CWF19L2: variants seen among roughly 807,000 people sequenced by gnomAD.
The protein encoded by CWF19L2 is CWF19 like cell cycle control factor 2, also known as CWF19-like protein 2.
A neutral mutation model predicts 111.7 loss-of-function variants in CWF19L2; 98 were observed. That is an observed-to-expected ratio of 0.88 (90% confidence interval 0.75 to 1.04). CWF19L2 has a LOEUF of 1.04. Among genes scored for constraint, CWF19L2 ranks in the 50% least tolerant of loss-of-function variants. The pLI, the probability that CWF19L2 is intolerant of heterozygous loss-of-function variation, is 0.00. For missense variants in CWF19L2, 1,101 were observed against 1,051.4 expected (o/e 1.05, Z -0.65); for synonymous variants, 351 against 342.9 (o/e 1.02, Z -0.26).
rs117056378 is a variant in CWF19L2, at chr11:107,441,589, C to T, written c.484G>A (p.Val162Ile). 9.1e-4 allele frequency: 1,399 copies of T among 1,543,794 alleles called. 26 individuals are homozygous for T. In the East Asian group the frequency reaches 0.02, roughly 22 times the overall value. Residue 162 changes from valine to isoleucine, a missense_variant, in exon 5 of 18, where the codon GTT becomes ATT. Transcript: ENST00000282251. Reference protein sequence around the residue: ...DEWMTVDFMSVKTVSSSSLKA... With the variant: ...DEWMTVDFMSIKTVSSSSLKA... Reference sequence around the variant, plus strand: ...AGTGATGATGATGACACAGTTTTAACAGACATAAAATCAACAGTCATCCAC... The same window carrying T: ...AGTGATGATGATGACACAGTTTTAATAGACATAAAATCAACAGTCATCCAC...
At position 107,386,300 on chromosome 11, in the gene CWF19L2, C is replaced by CTGTAAT. The variant is rs1179945420; in HGVS notation, c.1872+3773_1872+3774insATTACA. On this transcript the variant is annotated intron_variant, in intron 12 of 17. Coordinates refer to ENST00000282251, the MANE Select transcript of CWF19L2 (RefSeq NM_152434.3). ...AAGTGCTGGGATTACAGGTGTGAGC[C>CTGTAAT]GCCACTCCTGTTCATTTTTCTACTA... Among the ~76,000 whole-genome samples, 67 of 152,220 alleles carry CTGTAAT rather than the reference C, an allele frequency of 4.4e-4. 1 individual carries two copies. The highest frequency in any genetic ancestry group is 1.6e-3 in the African/African-American group (66 of 41,530).
intron 14 of CWF19L2, among the ~76,000 whole-genome samples, chr11:107,339,718 T>C (rs1181263446): frequency 6.8e-6 from 1 of 147,948 alleles, no homozygotes. Context: ...TAGGCTAGAG[T>C]GCAGTGGTGC....
chr11:107,358,598 T>A (rs1317176958), intron 12 of CWF19L2, among the ~76,000 whole-genome samples: 1 of 152,198 alleles, frequency 6.6e-6, no homozygotes, highest in Non-Finnish European at 1.5e-5. Flanking sequence ...GTCAGTCATT[T>A]AAAAAAACAC....
intron 12 of CWF19L2, among the ~76,000 whole-genome samples, chr11:107,370,142 C>A (rs1202685784): frequency 2.2e-5 from 3 of 137,414 alleles, no homozygotes; most frequent in Non-Finnish European, 4.7e-5. Context: ...TAAAATACAT[C>A]CTACTACAGG....
intron 9 of CWF19L2, among the ~76,000 whole-genome samples, chr11:107,417,731 T>C (rs1425171891): frequency 2.6e-5 from 4 of 150,968 alleles, no homozygotes; most frequent in East Asian, 2.0e-4. Flanking sequence ...TAGAAGTAGA[T>C]AGTATTCTTC....
Position 107,428,785 on chromosome 11 carries a change from A to C in CWF19L2, c.1433+14T>G. On this transcript the variant is annotated intron_variant, in intron 8 of 17. Transcript: ENST00000282251. ...CTGGATCTTAACTTATTAGGTTAAA[A>C]AATGATAAAATACCCAGCAAATGTA... 1.3e-6 allele frequency: 2 copies of C among 1,581,748 alleles called. No homozygotes were observed. Among genetic ancestry groups the C allele is most frequent in the Non-Finnish European group, 1.7e-6 (2 of 1,166,020 alleles).
chr11:107,354,252 T>C (rs1256935623), intron 12 of CWF19L2, among the ~76,000 whole-genome samples: 1 of 152,178 alleles, frequency 6.6e-6, no homozygotes, highest in African/African-American at 2.4e-5. Context: ...AGTTCTATAC[T>C]GTGTACAGAA....
rs1017084390 is a variant in CWF19L2 at position 107,369,599 on chromosome 11, T to C, written c.1873-15863A>G. Among the ~76,000 whole-genome samples the C allele has an allele frequency of 2.2e-4, 31 of 138,408 alleles. 6 individuals carry two copies. The highest frequency in any genetic ancestry group is 8.6e-4 in the African/African-American group (30 of 34,890). 90.8% of individuals were successfully genotyped at this position (138,408 alleles called of 152,430 possible). On this transcript the variant is annotated intron_variant, in intron 12 of 17. Coordinates refer to ENST00000282251, the MANE Select transcript of CWF19L2 (RefSeq NM_152434.3). Reference sequence around the variant, plus strand: ...TTTACTACTAATTCTCATTTGTATATTGCATTATTTTGATGTCAAAATATT... The same window carrying C: ...TTTACTACTAATTCTCATTTGTATACTGCATTATTTTGATGTCAAAATATT...
intron 3 of CWF19L2, among the ~76,000 whole-genome samples, chr11:107,452,275 T>G: frequency 6.6e-6 from 1 of 152,192 alleles, no homozygotes; most frequent in East Asian, 1.9e-4. Flanking sequence ...AGGTTTTTTT[T>G]CACTTTTTTC....
chr11:107,408,780 T>G (rs1172597283), intron 10 of CWF19L2, among the ~76,000 whole-genome samples: 2 of 151,934 alleles, frequency 1.3e-5, no homozygotes, highest in African/African-American at 2.4e-5. Flanking sequence ...GAAATAATAT[T>G]TTTGCATACC....
At chr11:107,349,680 TG>T (rs1350036692) in intron 13 of CWF19L2, among the ~76,000 whole-genome samples, 1 of 152,160 alleles carries the variant, frequency 6.6e-6, no homozygotes, top group African/African-American at 2.4e-5. Context: ...ACAAAGGGCT[TG>T]ATCTTATTCT....
chr11:107,436,131 T>G (rs1378144294), intron 6 of CWF19L2, among the ~76,000 whole-genome samples: 1 of 144,648 alleles, frequency 6.9e-6, no homozygotes, highest in Non-Finnish European at 1.5e-5. Flanking sequence ...TCCAGCCTTG[T>G]GACAGAGCGA....
intron 12 of CWF19L2, among the ~76,000 whole-genome samples, chr11:107,355,614 A>G (rs1353835494): frequency 2.0e-5 from 3 of 152,200 alleles, no homozygotes; most frequent in African/African-American, 7.2e-5. Context: ...TCACCTGATA[A>G]AGGAATCATA....
chr11:107,361,788 T>C (rs566194630), intron 12 of CWF19L2, among the ~76,000 whole-genome samples: 9 of 152,212 alleles, frequency 5.9e-5, no homozygotes, highest in South Asian at 4.1e-4. Context: ...TTATGGTGTA[T>C]AGAAATGCTA....
intron 12 of CWF19L2, among the ~76,000 whole-genome samples, chr11:107,361,982 C>T (rs1351488319): frequency 1.3e-5 from 2 of 152,160 alleles, no homozygotes; most frequent in Non-Finnish European, 2.9e-5. Context: ...GTGCGTGAGC[C>T]GAAGCAGGGC....
chr11:107,415,388 ACTTT>A (rs1471014512), intron 10 of CWF19L2, among the ~76,000 whole-genome samples: 1 of 152,178 alleles, frequency 6.6e-6, no homozygotes, highest in Non-Finnish European at 1.5e-5. Flanking sequence ...CCATAGGGTA[ACTTT>A]CTGATACACT....
At chr11:107,404,067 G>C in intron 10 of CWF19L2, 1 of 770,734 alleles carries the variant, frequency 1.3e-6, no homozygotes, top group East Asian at 2.4e-5. Flanking sequence ...TGGATCTTCA[G>C]CAGAGCTGAA....
Position 107,333,677 on chromosome 11 carries a change from G to A in CWF19L2, c.2439+1204C>T, listed in dbSNP as rs368868044. Among the ~76,000 whole-genome samples, 58 of 152,284 alleles carry A rather than the reference G, an allele frequency of 3.8e-4. 2 individuals are homozygous for A. The highest frequency in any genetic ancestry group is 1.4e-3 in the African/African-American group (57 of 41,572). On this transcript the variant is annotated intron_variant, in intron 16 of 17. Coordinates refer to ENST00000282251, the MANE Select transcript of CWF19L2 (RefSeq NM_152434.3). ...CACCAGCAGAGAAGAGAAAATGATT[G>A]TAGATAATGTTGTACCTCTAAAATA...
intron 4 of CWF19L2, among the ~76,000 whole-genome samples, chr11:107,442,051 A>G (rs1374047690): frequency 6.6e-6 from 1 of 152,194 alleles, no homozygotes; most frequent in Non-Finnish European, 1.5e-5. Flanking sequence ...AAATTAAGGC[A>G]TGAGGTGAAG....
Sources: allele counts gnomAD v4.1 joint callset (sites outside exome capture counted in the v4.1 genomes callset), GRCh38; gene constraint gnomAD v4.1.1; transcripts MANE v1.5; gene names NCBI Gene and HGNC (gene_info 2026-07-23, HGNC 2026-07-21).